Variants in SEMA3D observed in about 807,000 individuals in gnomAD.
SEMA3D encodes semaphorin 3D.
In SEMA3D, 84 loss-of-function variants were observed where a neutral mutation model predicts 100.1. That is an observed-to-expected ratio of 0.84 (90% CI 0.70 to 1.01). The LOEUF is 1.01. SEMA3D is among the 50% of genes least tolerant of loss of function. SEMA3D has a pLI of 0.00. For synonymous variants in SEMA3D, 312 were observed against 320.7 expected, an observed-to-expected ratio of 0.97 and a Z score of 0.29; for missense variants, 875 against 934.1, an observed-to-expected ratio of 0.94 and a Z score of 0.82.
chr7:85,131,196 C>CCTACA (rs1188433318), intron 2 of SEMA3D, among the ~76,000 whole-genome samples: 1 of 151,938 alleles, frequency 6.6e-6, no homozygotes, highest in African/African-American at 2.4e-5. Flanking sequence ...GTTTGTAAGG[C>CCTACA]CTGTAAAGCA....
At chr7:85,212,466 G>T in the SEMA3D span, among the ~76,000 whole-genome samples, 1 of 151,978 alleles carries the variant, frequency 6.6e-6, no homozygotes, top group Non-Finnish European at 1.5e-5. Flanking sequence ...AAATTGCAGG[G>T]CTGATCAGTT....
upstream of SEMA3D, among the ~76,000 whole-genome samples, chr7:85,191,343 C>T (rs752032122): frequency 6.6e-6 from 1 of 151,844 alleles, no homozygotes; most frequent in Non-Finnish European, 1.5e-5. Context: ...TAAACAATCC[C>T]CAAGGAAGGA....
rs1175166258 is a variant in SEMA3D, at chr7:85,083,667, AC to A, written c.313-2089del. Among the ~76,000 whole-genome samples the A allele has an allele frequency of 2.0e-5, 3 of 149,564 alleles. No individual in the cohort carries two copies. In the East Asian group the frequency reaches 5.9e-4, roughly 30 times the overall value. ...AGACCATCCTGGCTAACACGGTGAA[AC>A]CCCGTCTCTACTAAAAATACAAAAA... is the stretch of plus-strand genomic sequence containing the variant. On this transcript the variant is annotated intron_variant, in intron 4 of 18. Transcript: ENST00000284136.
Position 84,996,471 on chromosome 7 carries a change from T to C in SEMA3D, c.*2969A>G, listed in dbSNP as rs1015019495. Reference sequence around the variant, plus strand: ...AATTACTAAATTTCTCTGTGACTACTTTTCCATTTCTTAAGTAATTTGGTT... The same window carrying C: ...AATTACTAAATTTCTCTGTGACTACCTTTCCATTTCTTAAGTAATTTGGTT... On this transcript the variant is annotated 3_prime_UTR_variant, in exon 19 of 19. Transcript: ENST00000284136. The C allele has an allele frequency of 2.0e-5, 3 of 152,052 alleles. No homozygotes were observed. The highest frequency in any genetic ancestry group is 7.2e-5 in the African/African-American group (3 of 41,450). 9.4% of individuals were successfully genotyped at this position (152,052 alleles called of 1,614,324 possible).
At chr7:85,101,070 C>A (rs180846241) in intron 3 of SEMA3D, among the ~76,000 whole-genome samples, 4 of 152,000 alleles carry the variant, frequency 2.6e-5, no homozygotes, top group African/African-American at 7.2e-5. Flanking sequence ...CCAACAAATA[C>A]GCCATACTGA....
At chr7:85,126,214 T>A (rs764002700) in intron 2 of SEMA3D, among the ~76,000 whole-genome samples, 11 of 152,114 alleles carry the variant, frequency 7.2e-5, no homozygotes, top group Non-Finnish European at 1.3e-4. Context: ...TGAACTTCAT[T>A]GATTTGCTTT....
chr7:85,180,721 A>T (rs1791377653), intron 1 of SEMA3D, among the ~76,000 whole-genome samples: 1 of 152,152 alleles, frequency 6.6e-6, no homozygotes, highest in Non-Finnish European at 1.5e-5. Flanking sequence ...CATTATTCAG[A>T]TTCTCTTTGT....
chr7:85,176,781 C>T (rs1583991675), intron 1 of SEMA3D, among the ~76,000 whole-genome samples: 3 of 146,472 alleles, frequency 2.0e-5, no homozygotes, highest in South Asian at 2.2e-4. Context: ...TATTTGTATA[C>T]ATATATATAT....
chr7:85,026,128 T>C (rs943247425), intron 12 of SEMA3D, among the ~76,000 whole-genome samples: 2 of 152,044 alleles, frequency 1.3e-5, no homozygotes, highest in African/African-American at 4.8e-5. Flanking sequence ...TGATATTTTG[T>C]GATACGTGTC....
chr7:85,217,086 T>C, the SEMA3D span, among the ~76,000 whole-genome samples: 3 of 152,130 alleles, frequency 2.0e-5, no homozygotes, highest in Non-Finnish European at 2.9e-5. Context: ...CTTCATATAA[T>C]TGCACATCAT....
chr7:84,999,912 C>T (rs1789611424), intron 18 of SEMA3D, 47 bp from the exon 19 acceptor site: 2 of 1,503,600 alleles, frequency 1.3e-6, no homozygotes, highest in South Asian at 1.2e-5. Context: ...ACAGAGAGAG[C>T]TAAGAGCAAA....
intron 2 of SEMA3D, among the ~76,000 whole-genome samples, chr7:85,126,393 TGTGTGTGTGTC>T (rs1303650018): frequency 4.3e-5 from 5 of 117,490 alleles, no homozygotes; most frequent in African/African-American, 1.5e-4. Context: ...TGTGTGTGTG[TGTGTGTGTGTC>T]GTGTGTGTGT....
chr7:85,044,741 A>G (rs1199517491), intron 9 of SEMA3D, among the ~76,000 whole-genome samples: 1 of 152,138 alleles, frequency 6.6e-6, no homozygotes, highest in Non-Finnish European at 1.5e-5. Context: ...ACAGTAGTAA[A>G]CCACAGTTTA....
At chr7:85,070,534 C>G (rs754682617) in intron 6 of SEMA3D, among the ~76,000 whole-genome samples, 1 of 152,146 alleles carries the variant, frequency 6.6e-6, no homozygotes, top group East Asian at 1.9e-4. Flanking sequence ...TCCTTCTAAA[C>G]TCCCTCTAGA....
At chr7:85,244,195 A>AG in the SEMA3D span, among the ~76,000 whole-genome samples, 1 of 151,600 alleles carries the variant, frequency 6.6e-6, no homozygotes, top group African/African-American at 2.4e-5. Context: ...AGAAGAAGAA[A>AG]GATAAGTGGA....
intron 4 of SEMA3D, among the ~76,000 whole-genome samples, chr7:85,091,370 G>A (rs893778795): frequency 2.0e-5 from 3 of 151,962 alleles, no homozygotes; most frequent in South Asian, 2.1e-4. Flanking sequence ...CTGCAGGTTT[G>A]AACCGCTTCC....
the SEMA3D span, among the ~76,000 whole-genome samples, chr7:85,206,660 A>T: frequency 6.6e-6 from 1 of 152,048 alleles, no homozygotes; most frequent in African/African-American, 2.4e-5. Context: ...TTAAAGAAAA[A>T]TACTCAAATG....
rs573862433 is a variant in SEMA3D, at chr7:85,065,361, C to T, written c.718+63G>A. ...AAACACATTTGAATGAATAATAATA[C>T]ACTTCTTATCTATCTTAAACCAAAG... On this transcript the variant is annotated intron_variant, in intron 8 of 18. Transcript: ENST00000284136. 7.1e-6 allele frequency: 10 copies of T among 1,412,008 alleles called. No homozygotes were observed. The African/African-American group carries it at 7.2e-5, about 10-fold the overall frequency. The allele number at this position is 1,412,008 out of a possible 1,614,324, so 87.5% of individuals were successfully genotyped here.
At chr7:85,187,146 A>C (rs1791581796), upstream of SEMA3D, among the ~76,000 whole-genome samples, 1 of 151,666 alleles carries the variant, frequency 6.6e-6, no homozygotes, top group South Asian at 2.1e-4. Context: ...TGCGCACGCC[A>C]GAACTCCCAA....
Sources: gnomAD v4.1 joint callset for allele counts (sites outside exome capture counted in the v4.1 genomes callset) on GRCh38, gnomAD v4.1.1 for gene constraint, MANE v1.5 for transcripts, NCBI Gene and HGNC (gene_info 2026-07-23, HGNC 2026-07-21) for gene names.